PHF21A: variants seen among roughly 807,000 people sequenced by gnomAD.
PHF21A encodes the protein PHD finger protein 21A.
Under a neutral mutation model 82.5 loss-of-function variants are expected in PHF21A, and 11 were observed. The ratio of observed to expected loss-of-function variants is 0.13; its 90% CI spans 0.08 to 0.22. PHF21A has a LOEUF of 0.22. Among genes scored for constraint, PHF21A ranks in the 10% least tolerant of loss-of-function variants. The pLI is 1.00. For synonymous variants in PHF21A, 297 were observed against 302.8 expected, an observed-to-expected ratio of 0.98 and a Z score of 0.20; for missense variants, 579 against 837.8, an observed-to-expected ratio of 0.69 and a Z score of 3.81.
At chr11:46,080,816 C>T (rs2096782459) in intron 4 of PHF21A, among the ~76,000 whole-genome samples, 1 of 151,964 alleles carries the variant, frequency 6.6e-6, no homozygotes, top group African/African-American at 2.4e-5. Flanking sequence ...TACAGGTGCA[C>T]ACCACCATAT....
chr11:45,996,607 G>A (rs1246683267), intron 6 of PHF21A, among the ~76,000 whole-genome samples: 2 of 152,222 alleles, frequency 1.3e-5, no homozygotes, highest in African/African-American at 2.4e-5. Flanking sequence ...CACAAAGGTA[G>A]ATTAGTGCTT....
Position 45,938,239 on chromosome 11 carries a change from C to T in PHF21A, c.1526G>A (p.Arg509His), listed in dbSNP as rs765110191. The change falls in exon 16 of 19, where the codon CGT becomes CAT. Residue 509 changes from arginine (R) to histidine (H), a missense_variant. Physicochemically the swap from Arg to His is conservative, Grantham distance 29 (BLOSUM62 0). Transcript: ENST00000676320. ...GTCTAAGCAGTCCAAATGATATACA[C>T]GGGAACATGTGTCGCACATCAGTAA... ...GQLLMCDTCS[R>H]VYHLDCLDPP... 10 of 1,611,454 alleles carry T rather than the reference C, an allele frequency of 6.2e-6. No individual in the cohort carries two copies. The highest frequency in any genetic ancestry group is 2.2e-5 in the South Asian group (2 of 90,274).
intron 6 of PHF21A, among the ~76,000 whole-genome samples, chr11:46,063,016 C>T (rs759822074): frequency 3.3e-5 from 5 of 152,210 alleles, no homozygotes; most frequent in African/African-American, 1.2e-4. Flanking sequence ...ATCGTGATGA[C>T]GGTTTCACAC....
intron 6 of PHF21A, among the ~76,000 whole-genome samples, chr11:46,021,510 C>T (rs926110005): frequency 6.6e-6 from 1 of 152,044 alleles, no homozygotes; most frequent in South Asian, 2.1e-4. Flanking sequence ...CAAAGAGACC[C>T]TTATTGCACA....
chr11:45,978,848 A>G (rs1276101601), intron 7 of PHF21A, among the ~76,000 whole-genome samples: 3 of 152,130 alleles, frequency 2.0e-5, no homozygotes, highest in Non-Finnish European at 1.5e-5. Context: ...CTTTTTGGTA[A>G]AAACATTTGC....
intron 15 of PHF21A, among the ~76,000 whole-genome samples, chr11:45,941,209 C>T (rs566285048): frequency 6.6e-6 from 1 of 152,222 alleles, no homozygotes; most frequent in African/African-American, 2.4e-5. Flanking sequence ...GGTAATCCTC[C>T]CACCTCAGCC....
At position 46,012,812 on chromosome 11, in the gene PHF21A, T is replaced by C. The variant is rs1277599671; in HGVS notation, c.154-32846A>G. ...TTCCCTCTCTTGCAGTTTCTCATCTTAATGATACCCTAAGAGCTCATGCTG... is the reference window on the plus strand; with the variant it reads ...TTCCCTCTCTTGCAGTTTCTCATCTCAATGATACCCTAAGAGCTCATGCTG... On this transcript the variant is annotated intron_variant, in intron 6 of 18. Transcript: ENST00000676320. Among the ~76,000 whole-genome samples the C allele has an allele frequency of 2.0e-5, 3 of 152,208 alleles. No homozygotes were observed. The East Asian group carries it at 5.8e-4, about 29-fold the overall frequency.
chr11:46,094,976 T>C (rs2096974904), intron 1 of PHF21A, among the ~76,000 whole-genome samples: 1 of 152,168 alleles, frequency 6.6e-6, no homozygotes, highest in South Asian at 2.1e-4. Flanking sequence ...GTCAACTGCT[T>C]CCTACTATAT....
intron 10 of PHF21A, among the ~76,000 whole-genome samples, chr11:45,955,364 T>C (rs1429875856): frequency 6.6e-6 from 1 of 151,982 alleles, no homozygotes; most frequent in Non-Finnish European, 1.5e-5. Context: ...AGTGGGAAAG[T>C]AGTTTACAGT....
chr11:45,972,172 C>G (rs919107375), intron 7 of PHF21A, among the ~76,000 whole-genome samples: 1 of 151,838 alleles, frequency 6.6e-6, no homozygotes, highest in Non-Finnish European at 1.5e-5. Context: ...GTTTTAAAAG[C>G]CTGAGAGATC....
Position 46,104,621 on chromosome 11 carries a change from T to G in PHF21A, c.-236-12398A>C, listed in dbSNP as rs186259705. ...AAAAAAAACCTCTCCAGCTAAATTG[T>G]TCCAAATTTACTCTTTTCCCATGAA... On this transcript the variant is annotated intron_variant, in intron 1 of 18. Coordinates refer to ENST00000676320, the MANE Select transcript of PHF21A (RefSeq NM_001352027.3). Among the ~76,000 whole-genome samples the G allele has an allele frequency of 3.9e-5, 6 of 152,306 alleles. No homozygotes were observed. In the East Asian group the frequency reaches 1.2e-3, roughly 29 times the overall value.
intron 6 of PHF21A, among the ~76,000 whole-genome samples, chr11:46,017,563 A>C (rs1293333730): frequency 6.6e-6 from 1 of 151,800 alleles, no homozygotes; most frequent in Non-Finnish European, 1.5e-5. Flanking sequence ...GTTACAGTTC[A>C]GGATTTGCCC....
chr11:45,963,942 T>C (rs1333977953), intron 10 of PHF21A, among the ~76,000 whole-genome samples: 2 of 152,130 alleles, frequency 1.3e-5, no homozygotes, highest in Non-Finnish European at 2.9e-5. Flanking sequence ...CTCATGCCTG[T>C]AATCCCACCA....
chr11:46,031,365 G>A (rs1342992872), intron 6 of PHF21A, among the ~76,000 whole-genome samples: 1 of 152,108 alleles, frequency 6.6e-6, no homozygotes, highest in Non-Finnish European at 1.5e-5. Context: ...GCAAGAAAAT[G>A]TAGCTCAGAT....
At chr11:46,019,605 C>G (rs2095589538) in intron 6 of PHF21A, among the ~76,000 whole-genome samples, 1 of 152,184 alleles carries the variant, frequency 6.6e-6, no homozygotes, top group African/African-American at 2.4e-5. Context: ...GCACTCTATT[C>G]ACCTGTGACC....
intron 6 of PHF21A, among the ~76,000 whole-genome samples, chr11:46,000,354 C>T (rs939630234): frequency 1.3e-5 from 2 of 152,150 alleles, no homozygotes; most frequent in African/African-American, 4.8e-5. Flanking sequence ...CTGAGAGTTG[C>T]AGGATCTCTC....
At chr11:45,947,820 T>A (rs1312157256) in intron 14 of PHF21A, among the ~76,000 whole-genome samples, 2 of 152,204 alleles carry the variant, frequency 1.3e-5, no homozygotes, top group Non-Finnish European at 2.9e-5. Flanking sequence ...GAGTACTGGT[T>A]ACTGTGGCCC....
At chr11:46,005,897 TA>T (rs2095282709) in intron 6 of PHF21A, among the ~76,000 whole-genome samples, 3 of 152,172 alleles carry the variant, frequency 2.0e-5, no homozygotes, top group African/African-American at 7.2e-5. Flanking sequence ...TTCATTTCTT[TA>T]AAAAACTTCA....
chr11:46,072,884 C>T (rs1309368158), intron 6 of PHF21A, among the ~76,000 whole-genome samples: 3 of 152,230 alleles, frequency 2.0e-5, no homozygotes, highest in African/African-American at 7.2e-5. Context: ...GTTAAGATTG[C>T]CTCTACAAGA....
Sources: allele counts gnomAD v4.1 joint callset (sites outside exome capture counted in the v4.1 genomes callset), GRCh38; gene constraint gnomAD v4.1.1; transcripts MANE v1.5; gene names NCBI Gene and HGNC (gene_info 2026-07-23, HGNC 2026-07-21).